Variants in THSD4 observed in about 807,000 individuals in gnomAD.
The protein encoded by THSD4 is thrombospondin type-1 domain-containing protein 4.
THSD4 carries 69 observed loss-of-function variants against 119.0 expected under a neutral mutation model. The observed-to-expected ratio is 0.58, with a 90% CI of 0.48 to 0.71. THSD4 has a LOEUF of 0.71. Ranked by LOEUF, THSD4 falls within the 30% of genes least tolerant of loss-of-function variation. THSD4 has a pLI of 0.00. For missense variants in THSD4, 1,393 were observed against 1,391.1 expected, an observed-to-expected ratio of 1.00 and a Z score of -0.02; for synonymous variants, 524 against 540.4, an observed-to-expected ratio of 0.97 and a Z score of 0.42.
At chr15:71,751,810 G>A (rs575598864) in intron 14 of THSD4, among the ~76,000 whole-genome samples, 11 of 152,278 alleles carry the variant, frequency 7.2e-5, no homozygotes, top group Admixed American at 5.9e-4. Flanking sequence ...TGGGATTACA[G>A]TTATAAGCCT....
At chr15:71,742,079 G>A (rs1330665292) in intron 11 of THSD4, among the ~76,000 whole-genome samples, 1 of 152,212 alleles carries the variant, frequency 6.6e-6, no homozygotes, top group Non-Finnish European at 1.5e-5. Flanking sequence ...TCCCGGCATT[G>A]TCCAAGTCAC....
At chr15:71,193,656 TC>T (rs1445203543) in intron 3 of THSD4, among the ~76,000 whole-genome samples, 4 of 152,172 alleles carry the variant, frequency 2.6e-5, no homozygotes, top group Non-Finnish European at 5.9e-5. Flanking sequence ...TGGGGGTGGT[TC>T]CCCCATACTG....
chr15:71,134,213 C>T lies in THSD4; in HGVS notation c.-79-7236C>T, dbSNP rs182073527. 7.9e-5 allele frequency among the ~76,000 whole-genome samples: 12 copies of T among 152,342 alleles called. No individual in the cohort carries two copies. The East Asian group carries it at 1.7e-3, about 22-fold the overall frequency. On this transcript the variant is annotated intron_variant, in intron 1 of 17. Transcript: ENST00000261862. ...GTGAGCCAAGGACATGTTGGGGGAA[C>T]ATTCCTCTGGCTGTCCTCATAGGCA... is the stretch of plus-strand genomic sequence containing the variant.
At chr15:71,463,133 T>A (rs2140619868) in intron 7 of THSD4, among the ~76,000 whole-genome samples, 1 of 152,348 alleles carries the variant, frequency 6.6e-6, no homozygotes, top group South Asian at 2.1e-4. Flanking sequence ...GACTTCACAT[T>A]CACCTCCATC....
At chr15:71,150,012 T>A (rs1050248531) in intron 2 of THSD4, among the ~76,000 whole-genome samples, 1 of 152,056 alleles carries the variant, frequency 6.6e-6, no homozygotes, top group African/African-American at 2.4e-5. Flanking sequence ...TTGTTTGGTG[T>A]GAAATGTTAG....
intron 6 of THSD4, among the ~76,000 whole-genome samples, chr15:71,371,892 T>C (rs1449114145): frequency 6.6e-6 from 1 of 152,204 alleles, no homozygotes; most frequent in Non-Finnish European, 1.5e-5. Context: ...TTGGTTCCAT[T>C]CTCCCCATCA....
chr15:71,118,090 A>G (rs2040378490), intron 1 of THSD4, among the ~76,000 whole-genome samples: 1 of 152,080 alleles, frequency 6.6e-6, no homozygotes, highest in East Asian at 1.9e-4. Context: ...GAGTTCAAGG[A>G]GATGGGAAAG....
intron 7 of THSD4, among the ~76,000 whole-genome samples, chr15:71,438,054 C>T (rs62017916): frequency 0.049 from 7,488 of 151,914 alleles, 262 homozygotes; most frequent in Non-Finnish European, 0.074. Flanking sequence ...TTACTAAGTT[C>T]TCCAGGTCTC....
intron 16 of THSD4, among the ~76,000 whole-genome samples, chr15:71,768,549 C>T (rs528809345): frequency 1.3e-4 from 20 of 149,400 alleles, no homozygotes; most frequent in South Asian, 2.1e-4. Context: ...GCAGACCTGA[C>T]GCAGATCCTG....
chr15:71,312,192 A>G (rs1055485479), intron 6 of THSD4, among the ~76,000 whole-genome samples: 1 of 152,046 alleles, frequency 6.6e-6, no homozygotes, highest in Non-Finnish European at 1.5e-5. Context: ...TAAAGAGGTA[A>G]TTGAGGCCGT....
chr15:71,112,017 C>T, upstream of THSD4: 1 of 1,307,624 alleles, frequency 7.6e-7, no homozygotes, highest in South Asian at 1.4e-5. Flanking sequence ...CCAAAGGGTC[C>T]AGCTGTCCTG....
intron 7 of THSD4, among the ~76,000 whole-genome samples, chr15:71,493,297 C>T (rs2047952520): frequency 1.3e-5 from 2 of 152,196 alleles, no homozygotes; most frequent in African/African-American, 4.8e-5. Flanking sequence ...GCTTTGGCTG[C>T]CAAGCCAGTG....
intron 2 of THSD4, among the ~76,000 whole-genome samples, chr15:71,151,027 G>A (rs1337770201): frequency 2.0e-5 from 3 of 152,108 alleles, no homozygotes; most frequent in African/African-American, 7.2e-5. Context: ...TTTAAATAAA[G>A]ACATAGTATG....
chr15:71,575,901 A>C (rs1187710132), intron 7 of THSD4, among the ~76,000 whole-genome samples: 1 of 152,222 alleles, frequency 6.6e-6, no homozygotes, highest in Middle Eastern at 3.2e-3. Flanking sequence ...TCTAGGTCAG[A>C]GGTTCCTAAA....
chr15:71,387,126 TG>T (rs1454920129), intron 6 of THSD4, among the ~76,000 whole-genome samples: 1 of 152,096 alleles, frequency 6.6e-6, no homozygotes, highest in Non-Finnish European at 1.5e-5. Context: ...TCTTAGGACT[TG>T]GGCCGGATGC....
chr15:71,633,337 G>A (rs1027981234), intron 7 of THSD4, among the ~76,000 whole-genome samples: 5 of 140,732 alleles, frequency 3.6e-5, no homozygotes, highest in African/African-American at 7.9e-5. Context: ...GTGCAGTGGC[G>A]CAATCATAGC....
chr15:71,153,639 C>T (rs2040747886), intron 2 of THSD4, among the ~76,000 whole-genome samples: 1 of 152,292 alleles, frequency 6.6e-6, no homozygotes, highest in East Asian at 1.9e-4. Context: ...TCTAACTCCA[C>T]AAGACCTAAC....
At chr15:71,234,502 C>T (rs1262147819) in intron 4 of THSD4, among the ~76,000 whole-genome samples, 1 of 152,152 alleles carries the variant, frequency 6.6e-6, no homozygotes, top group Non-Finnish European at 1.5e-5. Context: ...GATGGGGTTT[C>T]ACCATGTTGG....
At chr15:71,112,122 T>C, upstream of THSD4, 1 of 1,613,582 alleles carries the variant, frequency 6.2e-7, no homozygotes, top group South Asian at 1.1e-5. Flanking sequence ...GAGCCATTCA[T>C]TCCTCAGAGA....
Sources: allele counts gnomAD v4.1 joint callset (sites outside exome capture counted in the v4.1 genomes callset), GRCh38; gene constraint gnomAD v4.1.1; transcripts MANE v1.5; gene names NCBI Gene and HGNC (gene_info 2026-07-23, HGNC 2026-07-21).